Variants in PINX1 observed in about 807,000 individuals in gnomAD.
The protein encoded by PINX1 is PIN2 (TERF1) interacting telomerase inhibitor 1.
PINX1 carries 34 observed loss-of-function variants against 25.4 expected under a neutral mutation model. That is an observed-to-expected ratio of 1.34 (90% CI 1.02 to 1.78). The LOEUF (loss-of-function observed/expected upper bound fraction) is 1.78, where lower values mean the gene tolerates loss of function less well. Among genes scored for constraint, PINX1 ranks in the 40% most tolerant of loss-of-function variants. PINX1 has a pLI of 0.00. For missense variants in PINX1, 592 were observed against 404.9 expected (o/e 1.46, Z -3.97); for synonymous variants, 197 against 147.7 (o/e 1.33, Z -2.42).
intron 5 of PINX1, 134 bp downstream of exon 5, chr8:10,826,018 C>A (rs756637408): frequency 8.4e-6 from 5 of 593,772 alleles, no homozygotes; most frequent in African/African-American, 7.6e-5. Flanking sequence ...AAGACTCCAG[C>A]GCTGTTTCAC....
rs548375352 is a variant in PINX1 at position 10,826,828 on chromosome 8, G to A, written c.302-584C>T. ...AGAGAGAGGACAGATGAATGGTTTCGAGGGGACAAGGATGAAGGTACAGTG... is the reference window on the plus strand; with the variant it reads ...AGAGAGAGGACAGATGAATGGTTTCAAGGGGACAAGGATGAAGGTACAGTG... On this transcript the variant is annotated intron_variant, in intron 4 of 6. Coordinates refer to ENST00000314787, the MANE Select transcript of PINX1 (RefSeq NM_017884.6). Among the ~76,000 whole-genome samples, 10 of 152,368 alleles carry A rather than the reference G, an allele frequency of 6.6e-5. No homozygotes were observed. In the East Asian group the frequency reaches 9.6e-4, roughly 15 times the overall value.
At chr8:10,785,112 C>T (rs1244683525) in intron 6 of PINX1, among the ~76,000 whole-genome samples, 1 of 152,142 alleles carries the variant, frequency 6.6e-6, no homozygotes, top group East Asian at 1.9e-4. Context: ...ACGTTTTAAG[C>T]TAGTTCAAGA....
chr8:10,781,747 T>C (rs1188467877), intron 6 of PINX1, among the ~76,000 whole-genome samples: 5 of 113,398 alleles, frequency 4.4e-5, no homozygotes, highest in East Asian at 2.1e-4. Flanking sequence ...GGAATGCAGA[T>C]TGGCATACCC....
At chr8:10,772,651 G>A (rs1235606197) in intron 6 of PINX1, among the ~76,000 whole-genome samples, 1 of 152,240 alleles carries the variant, frequency 6.6e-6, no homozygotes, top group East Asian at 1.9e-4. Context: ...ATCAGTTTTA[G>A]CATTAGCAAG....
At chr8:10,774,274 A>G (rs994811980) in intron 6 of PINX1, among the ~76,000 whole-genome samples, 3 of 152,154 alleles carry the variant, frequency 2.0e-5, no homozygotes, top group Non-Finnish European at 4.4e-5. Flanking sequence ...ATTTCTAAAA[A>G]GAATAAGGTC....
chr8:10,798,355 T>A (rs1400126992), intron 6 of PINX1, among the ~76,000 whole-genome samples: 1 of 152,206 alleles, frequency 6.6e-6, no homozygotes, highest in Non-Finnish European at 1.5e-5. Flanking sequence ...CCCAAATCCA[T>A]TTCCCTCAAA....
intron 1 of PINX1, 45 bp from the exon 2 acceptor site, chr8:10,834,820 G>T (rs758261209): frequency 2.2e-6 from 3 of 1,352,378 alleles, no homozygotes; most frequent in Non-Finnish European, 3.1e-6. Flanking sequence ...GATGATACCC[G>T]GAAAATACCA....
At chr8:10,808,550 G>A (rs1399588941) in intron 6 of PINX1, among the ~76,000 whole-genome samples, 3 of 152,196 alleles carry the variant, frequency 2.0e-5, no homozygotes, top group Non-Finnish European at 4.4e-5. Context: ...AGTCCTAATA[G>A]ATGATGTTAC....
In PINX1 at chr8:10,820,080, T is replaced by A. The variant is rs189989796; in HGVS notation, c.471+113A>T. ...TAGGCTGTGCATGAAGCCTCCAAAGTGTTTTGGAAAGTTTGTCAGAAAAGT... is the reference window on the plus strand; with the variant it reads ...TAGGCTGTGCATGAAGCCTCCAAAGAGTTTTGGAAAGTTTGTCAGAAAAGT... On this transcript the variant is annotated intron_variant, in intron 6 of 6. Transcript: ENST00000314787. 468 of 716,702 alleles carry A rather than the reference T, an allele frequency of 6.5e-4. 3 individuals are homozygous for A. In the East Asian group the frequency reaches 9.9e-3, roughly 15 times the overall value. The allele number at this position is 716,702 out of a possible 1,614,324, so 44.4% of individuals were successfully genotyped here. A position where few individuals can be genotyped will look rare whatever the true frequency, so the allele number is the denominator to read the frequency against.
At chr8:10,814,231 G>A (rs770793495) in intron 6 of PINX1, among the ~76,000 whole-genome samples, 7 of 152,290 alleles carry the variant, frequency 4.6e-5, no homozygotes, top group Middle Eastern at 3.4e-3. Context: ...TTGGAAATTA[G>A]AAATGTGCAA....
intron 4 of PINX1, among the ~76,000 whole-genome samples, chr8:10,827,468 A>T (rs112062228): frequency 0.044 from 6,709 of 152,144 alleles, 160 homozygotes; most frequent in Middle Eastern, 0.11. Flanking sequence ...AGAGTCAATT[A>T]TAAATTAGCT....
At chr8:10,811,382 T>C (rs953144791) in intron 6 of PINX1, among the ~76,000 whole-genome samples, 1 of 152,228 alleles carries the variant, frequency 6.6e-6, no homozygotes, top group African/African-American at 2.4e-5. Flanking sequence ...CTGGCTCAGA[T>C]GGTTCTACCA....
chr8:10,821,796 TAG>T (rs1162455130), intron 5 of PINX1: 3 of 152,228 alleles, frequency 2.0e-5, no homozygotes, highest in Non-Finnish European at 2.9e-5. Context: ...TCCTCTGGAA[TAG>T]AGACACTCTA....
At chr8:10,776,423 C>CAATAAATA (rs201127460) in intron 6 of PINX1, among the ~76,000 whole-genome samples, 4,398 of 145,004 alleles carry the variant, frequency 0.03, 78 homozygotes, top group Middle Eastern at 0.053. Flanking sequence ...AGACTCCGCT[C>CAATAAATA]AATAAATAAA....
chr8:10,835,074 G>T (rs188234844), intron 1 of PINX1, among the ~76,000 whole-genome samples: 1 of 152,202 alleles, frequency 6.6e-6, no homozygotes, highest in Non-Finnish European at 1.5e-5. Context: ...TCCATACTCC[G>T]CCATCAGCAC....
At chr8:10,836,082 C>A (rs1798396883) in intron 1 of PINX1, among the ~76,000 whole-genome samples, 1 of 152,134 alleles carries the variant, frequency 6.6e-6, no homozygotes, top group Non-Finnish European at 1.5e-5. Context: ...CACAACCCCT[C>A]CTACCTTGCC....
intron 4 of PINX1, among the ~76,000 whole-genome samples, chr8:10,829,285 C>CAAAA (rs57684473): frequency 0.16 from 14,389 of 89,746 alleles, 1,179 homozygotes; most frequent in African/African-American, 0.27. Flanking sequence ...GACTCCATCT[C>CAAAA]AAAAAAAAAA....
At chr8:10,774,110 C>G (rs879539829) in intron 6 of PINX1, among the ~76,000 whole-genome samples, 1 of 152,218 alleles carries the variant, frequency 6.6e-6, no homozygotes, top group East Asian at 1.9e-4. Context: ...TCTCACAGAA[C>G]AGAGCAGAAG....
At chr8:10,785,902 T>G (rs896575506) in intron 6 of PINX1, among the ~76,000 whole-genome samples, 4 of 152,190 alleles carry the variant, frequency 2.6e-5, no homozygotes, top group African/African-American at 9.6e-5. Context: ...GTGTTTAGGT[T>G]TGTTACCCTG....
Sources: allele counts gnomAD v4.1 joint callset (sites outside exome capture counted in the v4.1 genomes callset), GRCh38; gene constraint gnomAD v4.1.1; transcripts MANE v1.5; gene names NCBI Gene and HGNC (gene_info 2026-07-23, HGNC 2026-07-21).